Variants in MMP16 observed in about 807,000 individuals in gnomAD.
The protein encoded by MMP16 is matrix metalloproteinase-16.
In MMP16, 12 loss-of-function variants were observed where a neutral mutation model predicts 67.8. The ratio of observed to expected loss-of-function variants is 0.18; its 90% confidence interval spans 0.11 to 0.29. The LOEUF (loss-of-function observed/expected upper bound fraction) is 0.29, where lower values mean the gene tolerates loss of function less well. Among genes scored for constraint, MMP16 ranks in the 10% least tolerant of loss-of-function variants. MMP16 has a pLI of 1.00. For missense variants in MMP16, 475 were observed against 765.7 expected (o/e 0.62, Z 4.48); for synonymous variants, 249 against 255.9 (o/e 0.97, Z 0.26).
chr8:88,232,751 T>C (rs886851973), intron 1 of MMP16, among the ~76,000 whole-genome samples: 2 of 152,188 alleles, frequency 1.3e-5, no homozygotes, highest in African/African-American at 4.8e-5. Context: ...ATTGTCAATA[T>C]AAACAGCAAA....
intron 1 of MMP16, among the ~76,000 whole-genome samples, chr8:88,234,896 G>A (rs1411097629): frequency 1.3e-5 from 2 of 152,116 alleles, no homozygotes; most frequent in East Asian, 3.9e-4. Context: ...TACAGCCTGT[G>A]GGTAAATGTA....
intron 4 of MMP16, among the ~76,000 whole-genome samples, chr8:88,156,072 T>A (rs1242319229): frequency 6.6e-6 from 1 of 152,162 alleles, no homozygotes; most frequent in African/African-American, 2.4e-5. Context: ...TTGGAACATA[T>A]TAAATGTGCA....
At chr8:88,042,555 A>G (rs1808147007) in intron 9 of MMP16, among the ~76,000 whole-genome samples, 1 of 152,138 alleles carries the variant, frequency 6.6e-6, no homozygotes, top group South Asian at 2.1e-4. Context: ...TCACCTAGCT[A>G]TATTTTAGAG....
intron 1 of MMP16, among the ~76,000 whole-genome samples, chr8:88,267,731 G>A (rs1030899400): frequency 3.3e-5 from 5 of 152,124 alleles, no homozygotes; most frequent in Non-Finnish European, 7.4e-5. Context: ...GAAAATTCAG[G>A]TAATATTATA....
intron 4 of MMP16, among the ~76,000 whole-genome samples, chr8:88,167,107 G>A (rs1304453690): frequency 6.6e-6 from 1 of 152,084 alleles, no homozygotes; most frequent in East Asian, 1.9e-4. Flanking sequence ...AGCTACTCAG[G>A]AGGCTGAGGT....
intron 4 of MMP16, among the ~76,000 whole-genome samples, chr8:88,165,572 T>A (rs2129695477): frequency 6.6e-6 from 1 of 152,228 alleles, no homozygotes; most frequent in African/African-American, 2.4e-5. Context: ...TAAAATTGAC[T>A]TGAAGAAGTC....
At chr8:88,291,360 G>T (rs1023403136) in intron 1 of MMP16, among the ~76,000 whole-genome samples, 1 of 152,166 alleles carries the variant, frequency 6.6e-6, no homozygotes, top group African/African-American at 2.4e-5. Context: ...TATTACAAAT[G>T]TGGCTAAAAT....
At chr8:88,127,725 T>C (rs1807958205) in intron 4 of MMP16, among the ~76,000 whole-genome samples, 1 of 151,894 alleles carries the variant, frequency 6.6e-6, no homozygotes, top group African/African-American at 2.4e-5. Flanking sequence ...CATAGTACCT[T>C]ACATTGGCTT....
intron 1 of MMP16, among the ~76,000 whole-genome samples, chr8:88,260,403 T>C (rs966768423): frequency 1.3e-5 from 2 of 152,196 alleles, no homozygotes; most frequent in Non-Finnish European, 2.9e-5. Flanking sequence ...ATTATGCTAC[T>C]TTTTTCACTT....
At chr8:88,167,576 G>T in intron 4 of MMP16, 93 bp downstream of exon 4, 2 of 1,232,576 alleles carry the variant, frequency 1.6e-6, no homozygotes, top group South Asian at 1.7e-5. Context: ...GTAAATTTAG[G>T]ATCTATACCT....
intron 1 of MMP16, among the ~76,000 whole-genome samples, chr8:88,312,075 A>C (rs986708531): frequency 1.3e-5 from 2 of 152,196 alleles, no homozygotes; most frequent in Non-Finnish European, 2.9e-5. Context: ...GTGTCAGAGG[A>C]AACACTGAGA....
rs75796344 is a variant in MMP16, at chr8:88,120,426, C to G, written c.710-1565G>C. On this transcript the variant is annotated intron_variant, in intron 4 of 9. Coordinates refer to ENST00000286614, the MANE Select transcript of MMP16 (RefSeq NM_005941.5). Reference sequence around the variant, plus strand: ...AATCAGAGACACCTTAGTTAAAATACAAATCTGATAACCATGTGGCTTACT... The same window carrying G: ...AATCAGAGACACCTTAGTTAAAATAGAAATCTGATAACCATGTGGCTTACT... Among the ~76,000 whole-genome samples the G allele has an allele frequency of 7.8e-3, 1,185 of 151,942 alleles. 18 individuals are homozygous for G. The highest frequency in any genetic ancestry group is 0.068 in the Middle Eastern group (20 of 294).
intron 1 of MMP16, among the ~76,000 whole-genome samples, chr8:88,302,696 A>G (rs1328816834): frequency 3.3e-5 from 5 of 152,186 alleles, no homozygotes; most frequent in Admixed American, 3.3e-4. Flanking sequence ...GTAAAAGGAG[A>G]AAGAGAATAG....
At chr8:88,050,092 C>A (rs541201228) in intron 8 of MMP16, among the ~76,000 whole-genome samples, 1 of 152,050 alleles carries the variant, frequency 6.6e-6, no homozygotes, top group African/African-American at 2.4e-5. Context: ...GAGGCCAATG[C>A]GGGTGGATTA....
At chr8:88,239,294 C>CAAAAAAA (rs34599512) in intron 1 of MMP16, among the ~76,000 whole-genome samples, 5 of 80,476 alleles carry the variant, frequency 6.2e-5, no homozygotes, top group Non-Finnish European at 6.6e-5. Flanking sequence ...GACGCAGTCT[C>CAAAAAAA]AAAAAAAAAA....
chr8:88,275,204 A>C (rs1810626597), intron 1 of MMP16, among the ~76,000 whole-genome samples: 1 of 151,976 alleles, frequency 6.6e-6, no homozygotes, highest in South Asian at 2.1e-4. Context: ...TTTTGTGTGA[A>C]TCTAAGTAAA....
Position 88,227,108 on chromosome 8 carries a change from A to T in MMP16, c.133-29802T>A, listed in dbSNP as rs1446881172. Among the ~76,000 whole-genome samples, 3 of 152,102 alleles carry T rather than the reference A, an allele frequency of 2.0e-5. No individual in the cohort carries two copies. The East Asian group carries it at 5.8e-4, about 29-fold the overall frequency. On this transcript the variant is annotated intron_variant, in intron 1 of 9. Coordinates refer to ENST00000286614, the MANE Select transcript of MMP16 (RefSeq NM_005941.5). ...TCCTATGTAACAGCTTCACAAAGAG[A>T]TTAAAATACATAATAATGATGTGTA... is the stretch of plus-strand genomic sequence containing the variant.
intron 8 of MMP16, among the ~76,000 whole-genome samples, chr8:88,047,794 T>C (rs954986528): frequency 1.1e-4 from 17 of 152,298 alleles, no homozygotes; most frequent in African/African-American, 4.1e-4. Flanking sequence ...AGCTTAAACT[T>C]ATGGCTAAGT....
In MMP16 at chr8:88,327,293, A is replaced by C; in HGVS notation, c.-87T>G. The stretch of plus-strand genomic sequence containing the variant: ...CTCCCTCCCTCGTTTCCTTTCAAAA[A>C]AAAGTCCTCCGGGTGGGTAAGGAGC... On this transcript the variant is annotated 5_prime_UTR_variant, in exon 1 of 10. Transcript: ENST00000286614. The C allele has an allele frequency of 6.3e-7, 1 of 1,575,966 alleles. No individual in the cohort carries two copies. Among genetic ancestry groups the C allele is most frequent in the Non-Finnish European group, 8.7e-7 (1 of 1,155,108 alleles).
Sources: gnomAD v4.1 joint callset for allele counts (sites outside exome capture counted in the v4.1 genomes callset) on GRCh38, gnomAD v4.1.1 for gene constraint, MANE v1.5 for transcripts, NCBI Gene and HGNC (gene_info 2026-07-23, HGNC 2026-07-21) for gene names.